WDR33: variants seen among roughly 807,000 people sequenced by gnomAD.
WDR33 encodes the protein WD repeat domain 33.
In WDR33, 47 loss-of-function variants were observed where a neutral mutation model predicts 164.9. The observed-to-expected ratio is 0.29, with a 90% CI of 0.23 to 0.36. The LOEUF (loss-of-function observed/expected upper bound fraction) is 0.36, where lower values mean the gene tolerates loss of function less well. WDR33 is among the 10% of genes least tolerant of loss of function. The pLI is 1.00. For missense variants in WDR33, 1,137 were observed against 1,754.1 expected (o/e 0.65, Z 6.28); for synonymous variants, 505 against 589.0 (o/e 0.86, Z 2.06).
chr2:127,772,405 C>T (rs1688038610), intron 1 of WDR33, among the ~76,000 whole-genome samples: 1 of 151,922 alleles, frequency 6.6e-6, no homozygotes, highest in Non-Finnish European at 1.5e-5. Flanking sequence ...CCTCACTGCA[C>T]TCCAGCCTGG....
chr2:127,751,885 C>T lies in WDR33; in HGVS notation c.724+11177G>A, dbSNP rs373706035. On this transcript the variant is annotated intron_variant, in intron 7 of 21. Transcript: ENST00000322313. ...ATCTGCTATGTCACAGGTAAGGTTT[C>T]GGCTCCTACCCTCCAACAAACTACA... 1.1e-4 allele frequency among the ~76,000 whole-genome samples: 16 copies of T among 152,256 alleles called. No individual in the cohort carries two copies. The East Asian group carries it at 1.5e-3, about 15-fold the overall frequency.
intron 7 of WDR33, among the ~76,000 whole-genome samples, chr2:127,752,730 A>G (rs186134790): frequency 6.6e-6 from 1 of 152,306 alleles, no homozygotes; most frequent in Non-Finnish European, 1.5e-5. Context: ...ATCAATCCAC[A>G]AAACATTTCT....
At chr2:127,750,168 G>A (rs1161162179) in intron 7 of WDR33, among the ~76,000 whole-genome samples, 1 of 151,914 alleles carries the variant, frequency 6.6e-6, no homozygotes, top group East Asian at 2.0e-4. Flanking sequence ...GGGACCACAG[G>A]CACACGCCAC....
intron 1 of WDR33, among the ~76,000 whole-genome samples, chr2:127,793,290 G>A (rs930155450): frequency 5.3e-5 from 8 of 151,930 alleles, no homozygotes; most frequent in Non-Finnish European, 1.2e-4. Context: ...AATTAGCCGG[G>A]CATGATGGCG....
Position 127,764,018 on chromosome 2 carries a change from ACCT to A in WDR33, c.626+807_626+809del, listed in dbSNP as rs1480226710. On this transcript the variant is annotated intron_variant, in intron 6 of 21. Coordinates refer to ENST00000322313, the MANE Select transcript of WDR33 (RefSeq NM_018383.5). The surrounding 1 kb of genome is among the most constrained non-coding windows in gnomAD (Gnocchi z 6.2). ...GGATGATGTTTCCATAAAGATGTCA[ACCT>A]CCTCCCACACATGGGTGGCACAACC... 25 of 986,118 alleles carry A rather than the reference ACCT, an allele frequency of 2.5e-5. No homozygotes were observed. The highest frequency in any genetic ancestry group is 3.0e-5 in the Non-Finnish European group (25 of 830,526). 61.1% of individuals were successfully genotyped at this position (986,118 alleles called of 1,614,324 possible). A position where few individuals can be genotyped will look rare whatever the true frequency, so the allele number is the denominator to read the frequency against.
chr2:127,761,792 CA>C (rs1304021428), intron 7 of WDR33, among the ~76,000 whole-genome samples: 1 of 152,158 alleles, frequency 6.6e-6, no homozygotes, highest in Admixed American at 6.5e-5. Flanking sequence ...TGAAGTTATA[CA>C]ATATTATGAC....
intron 7 of WDR33, among the ~76,000 whole-genome samples, chr2:127,758,800 C>T (rs1172507268): frequency 6.6e-6 from 1 of 152,130 alleles, no homozygotes; most frequent in African/African-American, 2.4e-5. Flanking sequence ...CAGCTCTCCC[C>T]CCTTATTATC....
rs765511167 is a variant in WDR33, at chr2:127,726,732, C to G, written c.770G>C (p.Gly257Ala). The G allele has an allele frequency of 3.7e-6, 6 of 1,614,030 alleles. No homozygotes were observed. In the Admixed American group the frequency reaches 1.0e-4, roughly 27 times the overall value. ...ATCTTTACTTCCTGAAACAACTAAC[C>G]CTTTGGTTGGATGCCAGTCTACACA... ...VKCVDWHPTK[G>A]LVVSGSKDSQ... The change falls in exon 8 of 22, where the codon GGG (glycine) becomes GCG (alanine). Residue 257 changes from glycine to alanine, a missense_variant. Transcript: ENST00000322313. This position sits in a 1 kb window ranked among gnomAD's most constrained non-coding sequence, Gnocchi z 4.8.
intron 7 of WDR33, among the ~76,000 whole-genome samples, chr2:127,758,060 C>T (rs1687571769): frequency 6.6e-6 from 1 of 152,178 alleles, no homozygotes; most frequent in Admixed American, 6.5e-5. Flanking sequence ...AATATAACTG[C>T]TTATGTCCAT....
chr2:127,781,583 A>ATCTCTGTATTAAGGATC (rs922588668), intron 1 of WDR33, among the ~76,000 whole-genome samples: 1 of 152,148 alleles, frequency 6.6e-6, no homozygotes, highest in Non-Finnish European at 1.5e-5. Flanking sequence ...CATAAATAGA[A>ATCTCTGTATTAAGGATC]TCTCTGTATT....
chr2:127,768,052 T>TA, intron 4 of WDR33, 137 bp downstream of exon 4: 1 of 514,918 alleles, frequency 1.9e-6, no homozygotes, highest in Admixed American at 4.1e-5. Flanking sequence ...TATTCCAAAA[T>TA]AAAATTACTA....
At chr2:127,775,537 G>A (rs2105451490) in intron 1 of WDR33, among the ~76,000 whole-genome samples, 1 of 152,296 alleles carries the variant, frequency 6.6e-6, no homozygotes, top group South Asian at 2.1e-4. Context: ...ACAAAAAGTT[G>A]ATGACTGTTG....
At chr2:127,757,495 CA>C (rs1354992214) in intron 7 of WDR33, among the ~76,000 whole-genome samples, 1 of 152,060 alleles carries the variant, frequency 6.6e-6, no homozygotes, top group Non-Finnish European at 1.5e-5. Context: ...AACGCTTCCT[CA>C]AAGTAAGAAA....
At chr2:127,796,579 T>C (rs903809289) in intron 1 of WDR33, among the ~76,000 whole-genome samples, 9 of 152,058 alleles carry the variant, frequency 5.9e-5, no homozygotes, top group Admixed American at 6.6e-5. Context: ...TCTTGGGCTC[T>C]TTCCCAGCAT....
intron 1 of WDR33, among the ~76,000 whole-genome samples, chr2:127,780,240 A>G (rs1688325509): frequency 6.6e-6 from 1 of 152,052 alleles, no homozygotes; most frequent in African/African-American, 2.4e-5. Context: ...CCCAAAGTGT[A>G]AAAATAATAA....
In WDR33 at chr2:127,709,446, G is replaced by A; in HGVS notation, c.3565+44C>T. Reference sequence around the variant, plus strand: ...AGAGGGCCCTCAGAACTCACTTTGTGAACTGCAGTCTAGAGTTACCCAACA... The same window carrying A: ...AGAGGGCCCTCAGAACTCACTTTGTAAACTGCAGTCTAGAGTTACCCAACA... On this transcript the variant is annotated intron_variant, in intron 20 of 21. Coordinates refer to ENST00000322313, the MANE Select transcript of WDR33 (RefSeq NM_018383.5). This position sits in a 1 kb window ranked among gnomAD's most constrained non-coding sequence, Gnocchi z 5.0. The A allele has an allele frequency of 6.3e-7, 1 of 1,589,790 alleles. No homozygotes were observed. Among genetic ancestry groups the A allele is most frequent in the Non-Finnish European group, 8.6e-7 (1 of 1,158,826 alleles).
Position 127,702,032 on chromosome 2 carries a change from C to T in WDR33, c.*4291G>A. The T allele has an allele frequency of 1.6e-6, 2 of 1,287,386 alleles. No individual in the cohort carries two copies. The highest frequency in any genetic ancestry group is 2.0e-6 in the Non-Finnish European group (2 of 1,019,534). 79.7% of individuals were successfully genotyped at this position (1,287,386 alleles called of 1,614,324 possible). ...CGCTGGGCCTTCGCAGCACGCTGCT[C>T]ACGGTGCTGGGCGCGGGCGCGCAGG... On this transcript the variant is annotated 3_prime_UTR_variant, in exon 22 of 22. Coordinates refer to ENST00000322313, the MANE Select transcript of WDR33 (RefSeq NM_018383.5).
At position 127,744,769 on chromosome 2, in the gene WDR33, G is replaced by T. The variant is rs182258430; in HGVS notation, c.725-17992C>A. Among the ~76,000 whole-genome samples, 11 of 152,218 alleles carry T rather than the reference G, an allele frequency of 7.2e-5. No homozygotes were observed. The East Asian group carries it at 1.9e-3, about 27-fold the overall frequency. ...CATTCCCCAGTACTCTTCCACCACAGATCTCAGGCTTCCATATGGCATATT... is the reference window on the plus strand; with the variant it reads ...CATTCCCCAGTACTCTTCCACCACATATCTCAGGCTTCCATATGGCATATT... On this transcript the variant is annotated intron_variant, in intron 7 of 21. Transcript: ENST00000322313.
At chr2:127,737,366 T>A in intron 7 of WDR33, 1 of 985,444 alleles carries the variant, frequency 1.0e-6, no homozygotes. Context: ...TGTACATATG[T>A]GTGTGTGTAT....
Sources: allele counts gnomAD v4.1 joint callset (sites outside exome capture counted in the v4.1 genomes callset), GRCh38; gene constraint gnomAD v4.1.1; non-coding constraint Gnocchi (gnomAD v3.1); transcripts MANE v1.5; gene names NCBI Gene and HGNC (gene_info 2026-07-23, HGNC 2026-07-21).